Variants in IRAK1BP1 observed in about 807,000 individuals in gnomAD.
IRAK1BP1 encodes the protein interleukin-1 receptor-associated kinase 1-binding protein 1.
IRAK1BP1 carries 24 observed loss-of-function variants against 28.0 expected under a neutral mutation model. That is an observed-to-expected ratio of 0.86 (90% confidence interval 0.62 to 1.20). IRAK1BP1 has a LOEUF of 1.20. IRAK1BP1 is among the 50% of genes most tolerant of loss of function. The pLI, the probability that IRAK1BP1 is intolerant of heterozygous loss-of-function variation, is 0.00. For missense variants in IRAK1BP1, 336 were observed against 316.7 expected, an observed-to-expected ratio of 1.06 and a Z score of -0.46; for synonymous variants, 131 against 116.3, an observed-to-expected ratio of 1.13 and a Z score of -0.81.
the IRAK1BP1 span, among the ~76,000 whole-genome samples, chr6:78,966,767 GA>G: frequency 6.6e-6 from 1 of 152,170 alleles, no homozygotes; most frequent in African/African-American, 2.4e-5. Context: ...TGTGTCATAA[GA>G]AAACTGTAAG....
chr6:78,963,657 A>G, the IRAK1BP1 span, among the ~76,000 whole-genome samples: 9 of 152,186 alleles, frequency 5.9e-5, no homozygotes, highest in Admixed American at 5.9e-4. Context: ...CAAAGCTTCA[A>G]TTTTTGAATG....
rs1311015599 is a variant in IRAK1BP1 at position 78,900,163 on chromosome 6, C to T, written c.*1829C>T. 1 of 152,198 alleles carries T rather than the reference C, an allele frequency of 6.6e-6. No homozygotes were observed. The highest frequency in any genetic ancestry group is 1.5e-5 in the Non-Finnish European group (1 of 68,028). 9.4% of individuals were successfully genotyped at this position (152,198 alleles called of 1,614,324 possible). ...AAGGCCACAAATGGCTTGAGACTAC[C>T]TTGCTGAACAGACCAAGGTCAAACA... On this transcript the variant is annotated 3_prime_UTR_variant, in exon 4 of 4. Coordinates refer to ENST00000369940, the MANE Select transcript of IRAK1BP1 (RefSeq NM_001010844.4).
At chr6:78,927,347 T>C (rs190926870) in intron 4 of IRAK1BP1, among the ~76,000 whole-genome samples, 1 of 152,312 alleles carries the variant, frequency 6.6e-6, no homozygotes, top group Non-Finnish European at 1.5e-5. Context: ...GTATGTCTTC[T>C]GAGAAATGTC....
At chr6:78,972,839 A>G in the IRAK1BP1 span, among the ~76,000 whole-genome samples, 1 of 152,220 alleles carries the variant, frequency 6.6e-6, no homozygotes, top group Non-Finnish European at 1.5e-5. Context: ...AAAAACAATA[A>G]AAAGAAATGA....
the IRAK1BP1 span, chr6:78,969,815 C>A: frequency 1.6e-6 from 2 of 1,233,608 alleles, no homozygotes; most frequent in Non-Finnish European, 2.3e-6. Flanking sequence ...ACATCGATAG[C>A]TTCTAAATAA....
chr6:78,936,310 A>G (rs900097837), intron 4 of IRAK1BP1: 5 of 151,916 alleles, frequency 3.3e-5, no homozygotes. Flanking sequence ...TACATTCTAC[A>G]CATGTCTAAA....
chr6:78,877,613 C>T (rs565678377), intron 1 of IRAK1BP1, among the ~76,000 whole-genome samples: 24 of 152,276 alleles, frequency 1.6e-4, no homozygotes, highest in African/African-American at 5.3e-4. Context: ...GTACTGGGTT[C>T]ATCTCACTAG....
the IRAK1BP1 span, chr6:78,957,059 A>G: frequency 6.6e-6 from 1 of 152,108 alleles, no homozygotes; most frequent in Non-Finnish European, 1.5e-5. Flanking sequence ...CAAACTATAC[A>G]CATCTAAAAA....
rs1554187965 is a variant in IRAK1BP1, at chr6:78,885,391, C to T, written c.329C>T (p.Thr110Ile). The change falls in exon 2 of 4, where the codon ACT becomes ATT. Residue 110 changes from threonine to isoleucine, a missense_variant. Physicochemically the swap from Thr to Ile is moderately conservative, Grantham distance 89. Transcript: ENST00000369940. ...QQQGVQAENI[T>I]VTKDFRRVEN... is the part of the protein sequence containing the mutation. ...TTTCTGTTTCAGGCAGAAAATATAA[C>T]TGTGACAAAGGATTTTAGGAGAGTG... 3.8e-6 allele frequency: 6 copies of T among 1,580,284 alleles called. No individual in the cohort carries two copies. The Admixed American group carries it at 5.3e-5, about 14-fold the overall frequency.
the IRAK1BP1 span, among the ~76,000 whole-genome samples, chr6:78,953,587 C>T: frequency 6.6e-6 from 1 of 152,164 alleles, no homozygotes; most frequent in Non-Finnish European, 1.5e-5. Context: ...TTCTAATTAG[C>T]TCAATTTATC....
chr6:78,934,768 C>T (rs1265305504), intron 4 of IRAK1BP1, among the ~76,000 whole-genome samples: 1 of 152,144 alleles, frequency 6.6e-6, no homozygotes, highest in African/African-American at 2.4e-5. Context: ...GAAAATGAAG[C>T]TCTGAGATAC....
chr6:78,965,749 A>G, the IRAK1BP1 span: 96 of 1,559,534 alleles, frequency 6.2e-5, no homozygotes, highest in Non-Finnish European at 8.2e-5. Context: ...TCTTTTCTGT[A>G]TCTCCATTGT....
intron 4 of IRAK1BP1, among the ~76,000 whole-genome samples, chr6:78,908,571 C>A (rs1407213283): frequency 6.6e-6 from 1 of 152,114 alleles, no homozygotes; most frequent in Admixed American, 6.5e-5. Context: ...AAACTCCTGG[C>A]CTCAGCTTAT....
At chr6:78,973,063 G>C in the IRAK1BP1 span, among the ~76,000 whole-genome samples, 226 of 152,184 alleles carry the variant, frequency 1.5e-3, no homozygotes, top group African/African-American at 5.0e-3. Flanking sequence ...GCAACTCCAA[G>C]ACACATAATT....
chr6:78,940,099 C>CA (rs1437538489), intron 4 of IRAK1BP1: 2 of 152,300 alleles, frequency 1.3e-5, no homozygotes, highest in Non-Finnish European at 2.9e-5. Flanking sequence ...TGGAATAAAG[C>CA]AAAAGCCTCC....
In IRAK1BP1 at chr6:78,900,223, GT is replaced by G. The variant is rs1313414954; in HGVS notation, c.*1891del. On this transcript the variant is annotated 3_prime_UTR_variant, in exon 4 of 4. Transcript: ENST00000369940. Reference sequence around the variant, plus strand: ...TAATGATTCTTAAGGCCATTTGAAAGTTAACAGCAAGTATGTATTACTGCTA... The same window carrying G: ...TAATGATTCTTAAGGCCATTTGAAAGTAACAGCAAGTATGTATTACTGCTA... 7.2e-5 allele frequency: 11 copies of G among 152,344 alleles called. No individual in the cohort carries two copies. The East Asian group carries it at 1.9e-3, about 27-fold the overall frequency. The allele number at this position is 152,344 out of a possible 1,614,324, so 9.4% of individuals were successfully genotyped here. A position where few individuals can be genotyped will look rare whatever the true frequency, so the allele number is the denominator to read the frequency against.
Position 78,867,901 on chromosome 6 carries a change from C to T in IRAK1BP1, c.315+10C>T, listed in dbSNP as rs1770640099. The T allele has an allele frequency of 1.9e-6, 3 of 1,560,810 alleles. No homozygotes were observed. Among genetic ancestry groups the T allele is most frequent in the Admixed American group, 1.9e-5 (1 of 52,190 alleles). On this transcript the variant is annotated intron_variant, in intron 1 of 3. Coordinates refer to ENST00000369940, the MANE Select transcript of IRAK1BP1 (RefSeq NM_001010844.4). The stretch of plus-strand genomic sequence containing the variant: ...GCAGCAGGGCGTGCAGGTGAGATCT[C>T]CGCGGGGGAGGAAATAAGAGCCGGA...
chr6:78,937,223 A>G (rs934895039), intron 4 of IRAK1BP1: 2 of 151,772 alleles, frequency 1.3e-5, no homozygotes, highest in African/African-American at 2.4e-5. Context: ...GAAAACTGAA[A>G]AAGTTGCTTC....
At position 78,898,252 on chromosome 6, in the gene IRAK1BP1, A is replaced by G; in HGVS notation, c.701A>G (p.Lys234Arg). 1 of 1,613,372 alleles carries G rather than the reference A, an allele frequency of 6.2e-7. No homozygotes were observed. The highest frequency in any genetic ancestry group is 2.2e-5 in the East Asian group (1 of 44,828). ...SSSLTVQQKI[K>R]SATIHAASKV... The stretch of plus-strand genomic sequence containing the variant: ...TCATTAACTGTACAACAAAAAATCA[A>G]AAGTGCAACAATACATGCTGCTTCA... Residue 234 changes from lysine to arginine, a missense_variant, in exon 4 of 4, where the codon AAA becomes AGA. Lys to Arg is a conservative substitution (Grantham distance 26). Transcript: ENST00000369940.
Sources: allele counts gnomAD v4.1 joint callset (sites outside exome capture counted in the v4.1 genomes callset), GRCh38; gene constraint gnomAD v4.1.1; transcripts MANE v1.5; gene names NCBI Gene and HGNC (gene_info 2026-07-23, HGNC 2026-07-21).